TRERF1: variants seen among roughly 807,000 people sequenced by gnomAD.
TRERF1 encodes transcriptional-regulating factor 1.
In TRERF1, 27 loss-of-function variants were observed where a neutral mutation model predicts 122.9. That is an observed-to-expected ratio of 0.22 (90% CI 0.16 to 0.30). The LOEUF (loss-of-function observed/expected upper bound fraction) is 0.30. Ranked by LOEUF, TRERF1 falls within the 10% of genes least tolerant of loss-of-function variation. TRERF1 has a pLI of 1.00. For missense variants in TRERF1, 1,248 were observed against 1,560.3 expected, an observed-to-expected ratio of 0.80 and a Z score of 3.37; for synonymous variants, 636 against 641.7, an observed-to-expected ratio of 0.99 and a Z score of 0.13.
intron 13 of TRERF1, among the ~76,000 whole-genome samples, chr6:42,248,495 G>A (rs934484876): frequency 1.3e-5 from 2 of 152,078 alleles, no homozygotes; most frequent in Non-Finnish European, 2.9e-5. Flanking sequence ...TGAGATTACA[G>A]GTGCGTGCCA....
chr6:42,268,582 G>T lies in TRERF1; in HGVS notation c.1009C>A (p.Gln337Lys). 7 of 1,614,076 alleles carry T rather than the reference G, an allele frequency of 4.3e-6. No homozygotes were observed. The highest frequency in any genetic ancestry group is 2.2e-5 in the East Asian group (1 of 44,884). ...TGCATCTGTTGCTGCTGCTGCTCTT[G>T]CAAGTGCTGCATCATGGGTTGGGGC... Residue 337 changes from glutamine (Q) to lysine (K), a missense_variant, in exon 5 of 18, where the codon CAA becomes AAA. Around this residue, in one of 5 missense-constraint regions of TRERF1, gnomAD observed 946 missense variants for 1,073.0 expected, o/e 0.88. Coordinates refer to ENST00000372922, the Ensembl canonical transcript of TRERF1. This position sits in a 1 kb window ranked among gnomAD's most constrained non-coding sequence, Gnocchi z 4.4.
intron 2 of TRERF1, among the ~76,000 whole-genome samples, chr6:42,373,934 A>C (rs1220100857): frequency 6.6e-6 from 1 of 151,418 alleles, no homozygotes; most frequent in Non-Finnish European, 1.5e-5. Flanking sequence ...GGAGATTGAG[A>C]CCATCCTGGC....
intron 3 of TRERF1, among the ~76,000 whole-genome samples, chr6:42,305,819 A>T (rs1027979617): frequency 1.3e-5 from 2 of 152,064 alleles, no homozygotes; most frequent in Admixed American, 6.6e-5. Flanking sequence ...AGCATCTGAG[A>T]AACAGTGCAG....
chr6:42,348,080 T>C (rs1768677060), intron 3 of TRERF1, among the ~76,000 whole-genome samples: 1 of 152,160 alleles, frequency 6.6e-6, no homozygotes, highest in Non-Finnish European at 1.5e-5. Context: ...TACACTGGAA[T>C]AGAAAGATGG....
At chr6:42,410,122 A>G (rs1780898376) in intron 2 of TRERF1, among the ~76,000 whole-genome samples, 1 of 152,070 alleles carries the variant, frequency 6.6e-6, no homozygotes, top group South Asian at 2.1e-4. Flanking sequence ...TATTCCTGAG[A>G]CGAGCCTTGC....
At chr6:42,398,307 T>C (rs988624927) in intron 2 of TRERF1, among the ~76,000 whole-genome samples, 2 of 152,208 alleles carry the variant, frequency 1.3e-5, no homozygotes, top group Non-Finnish European at 2.9e-5. Flanking sequence ...TTATAGGGCA[T>C]GTACCATTTA....
chr6:42,377,470 T>G (rs1281228569), intron 2 of TRERF1, among the ~76,000 whole-genome samples: 1 of 152,232 alleles, frequency 6.6e-6, no homozygotes, highest in Non-Finnish European at 1.5e-5. Flanking sequence ...TCTTCAAGGT[T>G]CATCCATGTT....
chr6:42,387,707 T>TG (rs1177316003), intron 2 of TRERF1, among the ~76,000 whole-genome samples: 2 of 152,240 alleles, frequency 1.3e-5, no homozygotes, highest in Non-Finnish European at 2.9e-5. Flanking sequence ...ACTTTTTAAT[T>TG]GGGGGAAAAA....
intron 14 of TRERF1, 84 bp from the exon 15 acceptor site, chr6:42,243,445 A>G: frequency 1.0e-6 from 1 of 965,224 alleles, no homozygotes; most frequent in Non-Finnish European, 1.6e-6. Context: ...TTAATTTTGT[A>G]ATAGGGTAAT....
intron 2 of TRERF1, among the ~76,000 whole-genome samples, chr6:42,403,750 G>A (rs1013282176): frequency 1.3e-5 from 2 of 152,216 alleles, no homozygotes; most frequent in African/African-American, 4.8e-5. Context: ...ATTGTAAGCA[G>A]CAGAATGGGA....
chr6:42,284,746 C>T (rs917548294), intron 4 of TRERF1, among the ~76,000 whole-genome samples: 3 of 152,146 alleles, frequency 2.0e-5, no homozygotes, highest in African/African-American at 7.2e-5. Context: ...AAAGACAGTT[C>T]CACCTGCGTG....
intron 14 of TRERF1, among the ~76,000 whole-genome samples, chr6:42,244,622 C>G (rs151321319): frequency 6.6e-6 from 1 of 152,224 alleles, no homozygotes; most frequent in East Asian, 1.9e-4. Flanking sequence ...GAAATTTTTT[C>G]AGATCAGTCC....
chr6:42,449,703 C>T (rs1286283440), intron 2 of TRERF1, among the ~76,000 whole-genome samples: 2 of 152,148 alleles, frequency 1.3e-5, no homozygotes, highest in African/African-American at 4.8e-5. Context: ...TTAACTAATG[C>T]CTAGTTAGGA....
At position 42,418,313 on chromosome 6, in the gene TRERF1, C is replaced by G. The variant is rs558419141; in HGVS notation, c.-454+32864G>C. 2.2e-5 allele frequency among the ~76,000 whole-genome samples: 3 copies of G among 138,206 alleles called. No individual in the cohort carries two copies. In the East Asian group the frequency reaches 6.6e-4, roughly 31 times the overall value. 90.7% of individuals were successfully genotyped at this position (138,206 alleles called of 152,430 possible). A position where few individuals can be genotyped will look rare whatever the true frequency, so the allele number is the denominator to read the frequency against. On this transcript the variant is annotated intron_variant, in intron 2 of 17. Coordinates refer to ENST00000372922, the Ensembl canonical transcript of TRERF1. ...AGATGGAGTTTCGCTCTTGTAGCCCCAGCTAGAGTTCAATGGCGCGATCTT... is the reference window on the plus strand; with the variant it reads ...AGATGGAGTTTCGCTCTTGTAGCCCGAGCTAGAGTTCAATGGCGCGATCTT...
intron 2 of TRERF1, among the ~76,000 whole-genome samples, chr6:42,436,376 A>T (rs1479988705): frequency 6.6e-6 from 1 of 152,216 alleles, no homozygotes; most frequent in Non-Finnish European, 1.5e-5. Flanking sequence ...CTCAAAAAAA[A>T]AAAGGATAAT....
At chr6:42,361,322 C>T (rs993438747) in intron 3 of TRERF1, among the ~76,000 whole-genome samples, 1 of 152,238 alleles carries the variant, frequency 6.6e-6, no homozygotes, top group African/African-American at 2.4e-5. Context: ...TAAGCCTCCA[C>T]ATCTATGGCA....
intron 4 of TRERF1, among the ~76,000 whole-genome samples, chr6:42,296,116 C>T (rs1446795754): frequency 4.6e-5 from 7 of 152,170 alleles, no homozygotes; most frequent in East Asian, 1.9e-4. Flanking sequence ...AGCCCCACCA[C>T]GGCACCAGGA....
chr6:42,238,197 A>C (rs1294640017), intron 15 of TRERF1, among the ~76,000 whole-genome samples: 1 of 152,254 alleles, frequency 6.6e-6, no homozygotes, highest in Non-Finnish European at 1.5e-5. Flanking sequence ...CATGGCCTAC[A>C]GTTTGGCATT....
intron 3 of TRERF1, among the ~76,000 whole-genome samples, chr6:42,327,374 G>T (rs1480590787): frequency 3.3e-5 from 5 of 152,154 alleles, no homozygotes; most frequent in Admixed American, 1.3e-4. Flanking sequence ...ATCTGTGTAG[G>T]CAATTTGTCC....
Sources: gnomAD v4.1 joint callset for allele counts (sites outside exome capture counted in the v4.1 genomes callset) on GRCh38, gnomAD v4.1.1 for gene constraint, gnomAD v4.1.1 regional missense constraint, Gnocchi (gnomAD v3.1) non-coding constraint, MANE v1.5 for transcripts, NCBI Gene and HGNC (gene_info 2026-07-23, HGNC 2026-07-21) for gene names.